Variants in ADAMTS8 observed in about 807,000 individuals in gnomAD.
The protein encoded by ADAMTS8 is A disintegrin and metalloproteinase with thrombospondin motifs 8.
Under a neutral mutation model 64.4 loss-of-function variants are expected in ADAMTS8, and 50 were observed. The ratio of observed to expected loss-of-function variants is 0.78; its 90% CI spans 0.62 to 0.98. The LOEUF is 0.98. Ranked by LOEUF, ADAMTS8 falls within the 50% of genes least tolerant of loss-of-function variation. The probability of loss-of-function intolerance (pLI) is 0.00; values close to 1 mark genes in which losing one functional copy is unlikely to be tolerated. For synonymous variants in ADAMTS8, 556 were observed against 533.6 expected (o/e 1.04, Z -0.58); for missense variants, 1,192 against 1,208.2 (o/e 0.99, Z 0.20).
chr11:130,412,750 TAC>T (rs1180218532), intron 5 of ADAMTS8, among the ~76,000 whole-genome samples: 21 of 152,360 alleles, frequency 1.4e-4, no homozygotes, highest in Admixed American at 1.1e-3. Flanking sequence ...ATATTTTTCA[TAC>T]TTTTGCTCTG....
rs781470917 is a variant in ADAMTS8 at position 130,427,917 on chromosome 11, C to A, written c.370G>T (p.Gly124Cys). 3 of 1,533,652 alleles carry A rather than the reference C, an allele frequency of 2.0e-6. No individual in the cohort carries two copies. In the African/African-American group the frequency reaches 4.1e-5, roughly 21 times the overall value. Reference protein sequence around the residue: ...AAVSLCRGLSGSFLLDGEEFT... With the variant: ...AAVSLCRGLSCSFLLDGEEFT... ...TCCTCGCCGTCCAGCAGGAAGGAGC[C>A]GCTCAGCCCGCGGCACAGGCTGACC... Residue 124 changes from glycine (G) to cysteine (C), a missense_variant, in exon 1 of 9, where the codon GGC (glycine) becomes TGC (cysteine). Transcript: ENST00000257359.
rs770092895 is a variant in ADAMTS8, at chr11:130,405,867, T to C, written c.2361A>G (p.Thr787=). The C allele has an allele frequency of 1.2e-5, 19 of 1,614,004 alleles. No homozygotes were observed. In the East Asian group the frequency reaches 3.1e-4, roughly 26 times the overall value. Residue 787 remains threonine, a synonymous_variant, in exon 9 of 9, where the codon ACA becomes ACG. Transcript: ENST00000257359. The part of the protein sequence containing the change: ...QSFRPLPEPL[T]VQLLTVPGEV... Reference sequence around the variant, plus strand: ...CGCCAGGGACTGTCAGGAGCTGCACTGTCAGAGGCTCTGGCAAGGGCCGGA... The same window carrying C: ...CGCCAGGGACTGTCAGGAGCTGCACCGTCAGAGGCTCTGGCAAGGGCCGGA...
chr11:130,416,357 G>T lies in ADAMTS8; in HGVS notation c.1097-27C>A. On this transcript the variant is annotated intron_variant, in intron 3 of 8. Coordinates refer to ENST00000257359, the MANE Select transcript of ADAMTS8 (RefSeq NM_007037.6). The surrounding 1 kb of genome is among the most constrained non-coding windows in gnomAD (Gnocchi z 4.8). The stretch of plus-strand genomic sequence containing the variant: ...TGGGGAGAGAGGCCTGGTCCACTCC[G>T]CCCTGTCCTGCCTGAGGGCGCCCCA... 6.6e-7 allele frequency: 1 copy of T among 1,523,520 alleles called. No individual in the cohort carries two copies. Among genetic ancestry groups the T allele is most frequent in the Non-Finnish European group, 8.8e-7 (1 of 1,131,168 alleles). The allele number at this position is 1,523,520 out of a possible 1,614,324, so 94.4% of individuals were successfully genotyped here.
At chr11:130,425,725 C>G (rs983780867) in intron 1 of ADAMTS8, among the ~76,000 whole-genome samples, 2 of 151,958 alleles carry the variant, frequency 1.3e-5, no homozygotes, top group African/African-American at 2.4e-5. Flanking sequence ...CTCAGCCTCC[C>G]GAGTAGCTGG....
rs747113922 is a variant in ADAMTS8 at position 130,416,169 on chromosome 11, C to T, written c.1258G>A (p.Gly420Arg). The change falls in exon 4 of 9, where the codon GGG becomes AGG. Residue 420 changes from glycine (G) to arginine (R), a missense_variant. This residue lies in a region of ADAMTS8 where 741 missense variants were observed against 710.6 expected (regional missense o/e 1.04). Transcript: ENST00000257359. This position sits in a 1 kb window ranked among gnomAD's most constrained non-coding sequence, Gnocchi z 4.8. ...AMYLTELLDGGHGDCLLDAPA... is the reference protein window; with the variant it reads ...AMYLTELLDGRHGDCLLDAPA... ...CGGGGCCGCCGGTGCCTACCGTGCCCGCCGTCCAGAAGCTCTGTGAGATAC... is the reference window on the plus strand; with the variant it reads ...CGGGGCCGCCGGTGCCTACCGTGCCTGCCGTCCAGAAGCTCTGTGAGATAC... 74 of 1,579,874 alleles carry T rather than the reference C, an allele frequency of 4.7e-5. 1 individual carries two copies. Among genetic ancestry groups the T allele is most frequent in the African/African-American group, 3.8e-4 (28 of 74,284 alleles).
intron 6 of ADAMTS8, 83 bp from the exon 7 acceptor site, chr11:130,409,023 C>G: frequency 6.8e-7 from 1 of 1,475,578 alleles, no homozygotes; most frequent in Non-Finnish European, 9.0e-7. Flanking sequence ...ATTTACAGCA[C>G]TTTTCTTCTT....
chr11:130,408,606 G>A lies in ADAMTS8; in HGVS notation c.1957C>T (p.Leu653=). 2 of 1,614,198 alleles carry A rather than the reference G, an allele frequency of 1.2e-6. No homozygotes were observed. Among genetic ancestry groups the A allele is most frequent in the Non-Finnish European group, 1.7e-6 (2 of 1,180,044 alleles). The change falls in exon 8 of 9, where the codon CTG becomes TTG. Residue 653 remains leucine (L), a synonymous_variant. Coordinates refer to ENST00000257359, the MANE Select transcript of ADAMTS8 (RefSeq NM_007037.6). The part of the protein sequence containing the change: ...IDGTLCGPET[L]AICVRGQCVK... ...CACTGGCCACGGACACAGATGGCCAGTGTTTCTGGCCCACACAGGGTGCCA... is the reference window on the plus strand; with the variant it reads ...CACTGGCCACGGACACAGATGGCCAATGTTTCTGGCCCACACAGGGTGCCA...
At chr11:130,417,782 C>T (rs1862046806) in intron 2 of ADAMTS8, among the ~76,000 whole-genome samples, 1 of 152,162 alleles carries the variant, frequency 6.6e-6, no homozygotes, top group Non-Finnish European at 1.5e-5. Context: ...GGATATCCCA[C>T]CTAGTGGCCT....
chr11:130,425,734 G>A (rs1862156792), intron 1 of ADAMTS8, among the ~76,000 whole-genome samples: 1 of 151,864 alleles, frequency 6.6e-6, no homozygotes, highest in Non-Finnish European at 1.5e-5. Context: ...CCGAGTAGCT[G>A]GGACTACAGG....
At chr11:130,409,147 G>A (rs113465327) in intron 6 of ADAMTS8, among the ~76,000 whole-genome samples, 44 of 152,280 alleles carry the variant, frequency 2.9e-4, no homozygotes, top group African/African-American at 1.0e-3. Context: ...GCCTCCAGCC[G>A]CATGCTGGGC....
chr11:130,423,395 G>A (rs377300636), intron 1 of ADAMTS8, among the ~76,000 whole-genome samples: 2 of 152,158 alleles, frequency 1.3e-5, no homozygotes, highest in East Asian at 3.9e-4. Flanking sequence ...CACAGAGCAG[G>A]GGGGGGCATG....
intron 1 of ADAMTS8, among the ~76,000 whole-genome samples, chr11:130,425,580 C>CT (rs1374027613): frequency 2.0e-4 from 30 of 150,456 alleles, no homozygotes; most frequent in Middle Eastern, 3.5e-3. Context: ...TAGCTTCTTA[C>CT]TTTTTTTGTG....
intron 1 of ADAMTS8, among the ~76,000 whole-genome samples, chr11:130,425,520 G>C (rs1190373093): frequency 6.6e-6 from 1 of 152,084 alleles, no homozygotes; most frequent in Non-Finnish European, 1.5e-5. Context: ...TTCCATGTGT[G>C]GGGGTAGAGG....
rs1341784193 is a variant in ADAMTS8 at position 130,416,009 on chromosome 11, C to A, written c.1264+154G>T. Among the ~76,000 whole-genome samples the A allele has an allele frequency of 6.6e-6, 1 of 152,206 alleles. No homozygotes were observed. The highest frequency in any genetic ancestry group is 2.4e-5 in the African/African-American group (1 of 41,452). On this transcript the variant is annotated intron_variant, in intron 4 of 8. Coordinates refer to ENST00000257359, the MANE Select transcript of ADAMTS8 (RefSeq NM_007037.6). The surrounding 1 kb of genome is among the most constrained non-coding windows in gnomAD (Gnocchi z 4.8). ...TGGAAGATGGGGCCAGAAGAGCAGA[C>A]TTCGGGGGTGGTGTGAATGCCCCAG...
At chr11:130,426,812 T>TA (rs1862172536) in intron 1 of ADAMTS8, among the ~76,000 whole-genome samples, 1 of 152,220 alleles carries the variant, frequency 6.6e-6, no homozygotes, top group Non-Finnish European at 1.5e-5. Context: ...ACTAGAGACA[T>TA]TCACCCAAAG....
At chr11:130,406,728 G>T (rs1346018130) in intron 8 of ADAMTS8, among the ~76,000 whole-genome samples, 1 of 152,208 alleles carries the variant, frequency 6.6e-6, no homozygotes, top group Non-Finnish European at 1.5e-5. Context: ...TTCTGGGAGT[G>T]CCCAGGCACC....
chr11:130,419,866 A>G (rs1017757913), intron 1 of ADAMTS8, among the ~76,000 whole-genome samples: 1 of 152,062 alleles, frequency 6.6e-6, no homozygotes, highest in African/African-American at 2.4e-5. Context: ...CCTGTTGTCT[A>G]TTGGGGTAAC....
chr11:130,406,185 A>T lies in ADAMTS8; in HGVS notation c.2100-57T>A, dbSNP rs936065104. On this transcript the variant is annotated intron_variant, in intron 8 of 8. Transcript: ENST00000257359. ...CAGTGGCTGCCCAGCCCAGGTCACG[A>T]TGATGCCTTGGAGACTGAAGTGGGC... 3 of 1,552,888 alleles carry T rather than the reference A, an allele frequency of 1.9e-6. No homozygotes were observed. The South Asian group carries it at 3.5e-5, about 18-fold the overall frequency.
Position 130,416,203 on chromosome 11 carries a change from G to T in ADAMTS8, c.1224C>A (p.Cys408Ter). ...HLNQTLPWSP[C>*]SAMYLTELLD... ...GAAGCTCTGTGAGATACATGGCGCT[G>T]CAGGGGGACCAGGGCAGCGTCTGGT... Residue 408 changes from cysteine to a stop codon, truncating the protein, a stop_gained, in exon 4 of 9, where the codon TGC (cysteine) becomes TGA (stop). Transcript: ENST00000257359. LOFTEE classifies it high-confidence loss of function. The surrounding 1 kb of genome is among the most constrained non-coding windows in gnomAD (Gnocchi z 4.8). 6.3e-7 allele frequency: 1 copy of T among 1,597,964 alleles called. No homozygotes were observed.
Sources: gnomAD v4.1 joint callset for allele counts (sites outside exome capture counted in the v4.1 genomes callset) on GRCh38, gnomAD v4.1.1 for gene constraint, gnomAD v4.1.1 regional missense constraint, Gnocchi (gnomAD v3.1) non-coding constraint, MANE v1.5 for transcripts, NCBI Gene and HGNC (gene_info 2026-07-23, HGNC 2026-07-21) for gene names.